Variants in CEP112 observed in about 807,000 individuals in gnomAD.
CEP112 encodes centrosomal protein of 112 kDa.
A neutral mutation model predicts 153.0 loss-of-function variants in CEP112; 127 were observed. The observed-to-expected ratio is 0.83, with a 90% CI of 0.72 to 0.96. The LOEUF is 0.96. Among genes scored for constraint, CEP112 ranks in the 40% least tolerant of loss-of-function variants. The pLI is 0.00. For missense variants in CEP112, 1,089 were observed against 1,101.2 expected (o/e 0.99, Z 0.16); for synonymous variants, 358 against 374.4 (o/e 0.96, Z 0.51).
chr17:65,908,252 C>T (rs1227505698), intron 19 of CEP112, among the ~76,000 whole-genome samples: 1 of 152,206 alleles, frequency 6.6e-6, no homozygotes, highest in Non-Finnish European at 1.5e-5. Flanking sequence ...CTTCCAGGAA[C>T]ACTGGTAGTG....
At chr17:65,929,530 A>G (rs1047732748) in intron 18 of CEP112, among the ~76,000 whole-genome samples, 1 of 152,162 alleles carries the variant, frequency 6.6e-6, no homozygotes, top group South Asian at 2.1e-4. Flanking sequence ...GCAATTCCCC[A>G]GCCACTAAGT....
At chr17:66,031,513 T>C (rs2065483517) in intron 12 of CEP112, among the ~76,000 whole-genome samples, 1 of 145,734 alleles carries the variant, frequency 6.9e-6, no homozygotes, top group South Asian at 2.2e-4. Flanking sequence ...AGACAGGGTC[T>C]CATAGCGCAA....
rs540222898 is a variant in CEP112, at chr17:66,004,054, A to G, written c.1736+1636T>C. 2.0e-5 allele frequency among the ~76,000 whole-genome samples: 3 copies of G among 152,302 alleles called. No individual in the cohort carries two copies. The South Asian group carries it at 6.2e-4, about 32-fold the overall frequency. On this transcript the variant is annotated intron_variant, in intron 17 of 26. Coordinates refer to ENST00000535342, the MANE Select transcript of CEP112 (RefSeq NM_001199165.4). ...AAAGAAATTTAAAAAGAACAAAGGC[A>G]AAGTGGAACAAGAGAGAAAAAATAT...
chr17:65,861,633 A>C (rs1392126401), intron 20 of CEP112, among the ~76,000 whole-genome samples: 2 of 152,256 alleles, frequency 1.3e-5, no homozygotes, highest in African/African-American at 4.8e-5. Flanking sequence ...TTTAATGGTA[A>C]ACATGAAAAG....
rs574555682 is a variant in CEP112 at position 65,662,285 on chromosome 17, T to C, written c.2698-21220A>G. Among the ~76,000 whole-genome samples, 20 of 152,330 alleles carry C rather than the reference T, an allele frequency of 1.3e-4. No individual in the cohort carries two copies. In the South Asian group the frequency reaches 3.9e-3, roughly 30 times the overall value. ...AAGAATATGAAAAAGATAAGTACACTGTTACTGACTTAGATAAAACCAGTG... is the reference window on the plus strand; with the variant it reads ...AAGAATATGAAAAAGATAAGTACACCGTTACTGACTTAGATAAAACCAGTG... On this transcript the variant is annotated intron_variant, in intron 24 of 26. Transcript: ENST00000535342.
intron 20 of CEP112, among the ~76,000 whole-genome samples, chr17:65,864,667 G>A (rs1598817440): frequency 6.6e-6 from 1 of 152,178 alleles, no homozygotes; most frequent in African/African-American, 2.4e-5. Context: ...ATGAGTGAGC[G>A]TAGACTAGAA....
At chr17:65,782,619 G>C (rs1156375912) in intron 21 of CEP112, among the ~76,000 whole-genome samples, 3 of 152,164 alleles carry the variant, frequency 2.0e-5, no homozygotes. Context: ...ATTGCATAAA[G>C]AAAATGTGGT....
At chr17:65,845,090 C>T (rs755083535) in intron 21 of CEP112, among the ~76,000 whole-genome samples, 30 of 152,080 alleles carry the variant, frequency 2.0e-4, no homozygotes, top group Non-Finnish European at 4.0e-4. Flanking sequence ...GAGGCCAAGG[C>T]GAGTGGATCA....
At chr17:65,814,254 G>A (rs1034542159) in intron 21 of CEP112, among the ~76,000 whole-genome samples, 4 of 152,118 alleles carry the variant, frequency 2.6e-5, no homozygotes, top group Admixed American at 2.0e-4. Context: ...AAGAAGAAGC[G>A]TATGCATTAT....
At chr17:65,844,299 C>T (rs1198735624) in intron 21 of CEP112, among the ~76,000 whole-genome samples, 1 of 152,176 alleles carries the variant, frequency 6.6e-6, no homozygotes, top group Non-Finnish European at 1.5e-5. Context: ...GTTAATTCTA[C>T]TAGGATTTTA....
chr17:65,637,939 T>C (rs1027930513), intron 25 of CEP112, among the ~76,000 whole-genome samples: 86 of 152,360 alleles, frequency 5.6e-4, no homozygotes, highest in African/African-American at 1.9e-3. Context: ...CAGAACTTCA[T>C]AGCGGAAAGA....
At chr17:66,117,695 C>T (rs1305845809) in intron 6 of CEP112, among the ~76,000 whole-genome samples, 2 of 152,118 alleles carry the variant, frequency 1.3e-5, no homozygotes. Flanking sequence ...AAAGCTTCTG[C>T]ACAGCAAAGG....
chr17:66,013,474 C>T (rs1394988501), intron 16 of CEP112, among the ~76,000 whole-genome samples: 1 of 152,152 alleles, frequency 6.6e-6, no homozygotes, highest in Non-Finnish European at 1.5e-5. Context: ...CGACTGGCTT[C>T]ATTTCTAGTA....
At chr17:65,724,216 C>T (rs1287997560) in intron 23 of CEP112, among the ~76,000 whole-genome samples, 1 of 152,150 alleles carries the variant, frequency 6.6e-6, no homozygotes, top group Non-Finnish European at 1.5e-5. Context: ...ATTGACAACT[C>T]GGGAAATAAC....
chr17:65,924,348 T>C (rs558715930), intron 19 of CEP112, among the ~76,000 whole-genome samples: 7 of 152,292 alleles, frequency 4.6e-5, no homozygotes, highest in African/African-American at 7.2e-5. Context: ...CCGAAACATA[T>C]GTGAACATGC....
At chr17:65,873,963 C>T (rs777226493) in intron 20 of CEP112, among the ~76,000 whole-genome samples, 1 of 152,106 alleles carries the variant, frequency 6.6e-6, no homozygotes, top group African/African-American at 2.4e-5. Context: ...AAAGTAGATG[C>T]TGTTGATTAA....
intron 24 of CEP112, among the ~76,000 whole-genome samples, chr17:65,656,539 T>C (rs1222563047): frequency 6.6e-6 from 1 of 152,252 alleles, no homozygotes; most frequent in Non-Finnish European, 1.5e-5. Flanking sequence ...CTGCTTGTTT[T>C]TGTAAATAAA....
intron 8 of CEP112, among the ~76,000 whole-genome samples, chr17:66,082,165 T>C (rs2067748251): frequency 6.6e-6 from 1 of 152,226 alleles, no homozygotes; most frequent in African/African-American, 2.4e-5. Flanking sequence ...TGTTGTCTGT[T>C]CTTTCATTTT....
intron 21 of CEP112, among the ~76,000 whole-genome samples, chr17:65,767,316 C>T (rs8071561): frequency 0.48 from 72,806 of 151,780 alleles, 19,131 homozygotes; most frequent in East Asian, 0.78. Flanking sequence ...AAAAGAAAAA[C>T]TGAAAACGAT....
Sources: allele counts gnomAD v4.1 joint callset (sites outside exome capture counted in the v4.1 genomes callset), GRCh38; gene constraint gnomAD v4.1.1; transcripts MANE v1.5; gene names NCBI Gene and HGNC (gene_info 2026-07-23, HGNC 2026-07-21).